Variants in CCDC148 observed in about 807,000 individuals in gnomAD.
CCDC148 encodes coiled-coil domain-containing protein 148.
Under a neutral mutation model 85.7 loss-of-function variants are expected in CCDC148, and 89 were observed. That is an observed-to-expected ratio of 1.04 (90% CI 0.87 to 1.24). The LOEUF (loss-of-function observed/expected upper bound fraction) is 1.24. Ranked by LOEUF, CCDC148 falls within the 50% of genes most tolerant of loss-of-function variation. The pLI, the probability that CCDC148 is intolerant of heterozygous loss-of-function variation, is 0.00. For missense variants in CCDC148, 692 were observed against 671.7 expected, an observed-to-expected ratio of 1.03 and a Z score of -0.33; for synonymous variants, 230 against 213.9, an observed-to-expected ratio of 1.08 and a Z score of -0.66.
intron 1 of CCDC148, among the ~76,000 whole-genome samples, chr2:158,431,972 C>A (rs1483052046): frequency 6.6e-6 from 1 of 151,762 alleles, no homozygotes; most frequent in East Asian, 1.9e-4. Flanking sequence ...GCACTGTTTA[C>A]CACACATATA....
At chr2:158,369,072 C>A (rs1317730648) in intron 1 of CCDC148, among the ~76,000 whole-genome samples, 1 of 151,996 alleles carries the variant, frequency 6.6e-6, no homozygotes, top group African/African-American at 2.4e-5. Flanking sequence ...GACGGTGAGT[C>A]TTCTATAATG....
chr2:158,242,378 G>A (rs796955207), intron 10 of CCDC148, among the ~76,000 whole-genome samples: 48 of 152,252 alleles, frequency 3.2e-4, no homozygotes, highest in African/African-American at 1.1e-3. Context: ...GCCTTTCTAA[G>A]TGCCAGCCAC....
At chr2:158,302,050 G>T (rs1691469613) in intron 9 of CCDC148, among the ~76,000 whole-genome samples, 1 of 152,174 alleles carries the variant, frequency 6.6e-6, no homozygotes, top group Non-Finnish European at 1.5e-5. Flanking sequence ...CAAAAATAAA[G>T]AAAGGCGATA....
chr2:158,201,009 C>G (rs1685926612), intron 11 of CCDC148, among the ~76,000 whole-genome samples: 1 of 152,098 alleles, frequency 6.6e-6, no homozygotes, highest in Non-Finnish European at 1.5e-5. Flanking sequence ...CATTTGTTTC[C>G]CAATTAGCCC....
intron 10 of CCDC148, among the ~76,000 whole-genome samples, chr2:158,238,663 G>A (rs1217794872): frequency 6.6e-6 from 1 of 152,056 alleles, no homozygotes; most frequent in African/African-American, 2.4e-5. Context: ...GAAGAGTAGG[G>A]AGACAGACAT....
At chr2:158,330,701 T>C (rs1483232733) in intron 7 of CCDC148, among the ~76,000 whole-genome samples, 1 of 152,208 alleles carries the variant, frequency 6.6e-6, no homozygotes, top group Admixed American at 6.5e-5. Flanking sequence ...GTTATTGGTC[T>C]ATTCAGAGAT....
At chr2:158,178,744 A>G (rs1684716908) in intron 12 of CCDC148, 135 bp downstream of exon 12, 1 of 631,320 alleles carries the variant, frequency 1.6e-6, no homozygotes, top group Non-Finnish European at 2.8e-6. Context: ...AATGAACAGC[A>G]GTATCCCCAT....
At chr2:158,226,367 A>C (rs1358134226) in intron 10 of CCDC148, among the ~76,000 whole-genome samples, 3 of 152,224 alleles carry the variant, frequency 2.0e-5, no homozygotes, top group Non-Finnish European at 2.9e-5. Context: ...GCCATATTCT[A>C]TCAGAGGTAT....
At position 158,211,790 on chromosome 2, in the gene CCDC148, G is replaced by A. The variant is rs79378946; in HGVS notation, c.1370+8805C>T. On this transcript the variant is annotated intron_variant, in intron 11 of 13. Transcript: ENST00000283233. ...GCTGTGCCATCTCTGCCCAGCTGGT[G>A]CTCCATTTGCCCACAGGCATAAGCT... 8.6e-3 allele frequency among the ~76,000 whole-genome samples: 1,304 copies of A among 152,296 alleles called. 21 individuals carry two copies. The highest frequency in any genetic ancestry group is 0.029 in the African/African-American group (1,216 of 41,560).
intron 1 of CCDC148, among the ~76,000 whole-genome samples, chr2:158,370,824 A>G (rs1302764599): frequency 6.6e-6 from 1 of 151,906 alleles, no homozygotes; most frequent in Non-Finnish European, 1.5e-5. Flanking sequence ...ATCTAGGAAT[A>G]AACTATATAA....
intron 7 of CCDC148, among the ~76,000 whole-genome samples, chr2:158,325,540 A>G (rs928171845): frequency 6.6e-6 from 1 of 152,058 alleles, no homozygotes; most frequent in Admixed American, 6.6e-5. Context: ...ATCACATCCA[A>G]TCTCATGCTA....
At chr2:158,190,361 C>T (rs1375711889) in intron 11 of CCDC148, among the ~76,000 whole-genome samples, 1 of 151,936 alleles carries the variant, frequency 6.6e-6, no homozygotes, top group Non-Finnish European at 1.5e-5. Context: ...CTAATACATT[C>T]ATTTATTCAG....
intron 1 of CCDC148, among the ~76,000 whole-genome samples, chr2:158,433,091 A>AATATATATATATATATAT (rs1553521584): frequency 2.3e-4 from 12 of 51,342 alleles, no homozygotes; most frequent in South Asian, 2.0e-3. Context: ...AAAAAAAAAA[A>AATATATATATATATATAT]ATATATATAT....
At chr2:158,437,922 G>A (rs540449651) in intron 1 of CCDC148, among the ~76,000 whole-genome samples, 12 of 152,284 alleles carry the variant, frequency 7.9e-5, no homozygotes, top group Middle Eastern at 3.4e-3. Flanking sequence ...TACAAGGGAC[G>A]TGAAGGACCT....
chr2:158,350,191 T>C (rs1415029033), intron 2 of CCDC148, among the ~76,000 whole-genome samples: 1 of 152,154 alleles, frequency 6.6e-6, no homozygotes, highest in Non-Finnish European at 1.5e-5. Flanking sequence ...TTATTGTTCC[T>C]GCACTTGATA....
intron 10 of CCDC148, among the ~76,000 whole-genome samples, chr2:158,222,239 G>C (rs1687223672): frequency 6.6e-6 from 1 of 152,044 alleles, no homozygotes; most frequent in African/African-American, 2.4e-5. Flanking sequence ...AAAGTCAGTG[G>C]CTCTTTTGCA....
In CCDC148 at chr2:158,384,974, G is replaced by A. The variant is rs184229051; in HGVS notation, c.26-26404C>T. Among the ~76,000 whole-genome samples, 918 of 152,208 alleles carry A rather than the reference G, an allele frequency of 6.0e-3. 4 individuals carry two copies. The highest frequency in any genetic ancestry group is 0.01 in the Non-Finnish European group (683 of 68,004). On this transcript the variant is annotated intron_variant, in intron 1 of 13. Coordinates refer to ENST00000283233, the MANE Select transcript of CCDC148 (RefSeq NM_138803.4). ...ACCCATTTGCCAGCTCATTCTTATT[G>A]TCAGTCAAATTCAGTTACTTGCAGC...
chr2:158,429,813 C>T (rs531614952), intron 1 of CCDC148, among the ~76,000 whole-genome samples: 2 of 152,222 alleles, frequency 1.3e-5, no homozygotes, highest in Admixed American at 1.3e-4. Context: ...TCTGTGATCA[C>T]TGAAGAAAAT....
intron 7 of CCDC148, among the ~76,000 whole-genome samples, chr2:158,326,723 T>G (rs1692794410): frequency 6.6e-6 from 1 of 152,130 alleles, no homozygotes; most frequent in Non-Finnish European, 1.5e-5. Context: ...GAAACAATAC[T>G]CATATGGTTC....
Sources: gnomAD v4.1 joint callset for allele counts (sites outside exome capture counted in the v4.1 genomes callset) on GRCh38, gnomAD v4.1.1 for gene constraint, MANE v1.5 for transcripts, NCBI Gene and HGNC (gene_info 2026-07-23, HGNC 2026-07-21) for gene names.